Variants in ME1 observed in about 807,000 individuals in gnomAD.
The protein encoded by ME1 is malic enzyme 1, also known as NADP-dependent malic enzyme.
ME1 carries 74 observed loss-of-function variants against 66.4 expected under a neutral mutation model. That is an observed-to-expected ratio of 1.11 (90% CI 0.92 to 1.35). The LOEUF (loss-of-function observed/expected upper bound fraction) is 1.35. Ranked by LOEUF, ME1 falls within the 40% of genes most tolerant of loss-of-function variation. The pLI is 0.00. For missense variants in ME1, 750 were observed against 694.1 expected (o/e 1.08, Z -0.90); for synonymous variants, 251 against 235.6 (o/e 1.07, Z -0.60).
chr6:83,407,087 T>C (rs931009046), intron 2 of ME1, among the ~76,000 whole-genome samples: 1 of 152,090 alleles, frequency 6.6e-6, no homozygotes, highest in Non-Finnish European at 1.5e-5. Flanking sequence ...GTTGGCTACC[T>C]CTTTTAACCC....
chr6:83,383,149 T>C (rs961338841), intron 3 of ME1, among the ~76,000 whole-genome samples: 8 of 151,674 alleles, frequency 5.3e-5, no homozygotes, highest in African/African-American at 1.9e-4. Context: ...CATACATACA[T>C]ACACACACAC....
At chr6:83,395,037 G>A (rs1398789466) in intron 3 of ME1, among the ~76,000 whole-genome samples, 3 of 151,522 alleles carry the variant, frequency 2.0e-5, no homozygotes, top group East Asian at 3.9e-4. Context: ...TGTAATAGTG[G>A]TAATTAACAT....
At position 83,313,395 on chromosome 6, in the gene ME1, T is replaced by TC. The variant is rs1319145702; in HGVS notation, c.704+1914_704+1915insG. On this transcript the variant is annotated intron_variant, in intron 6 of 13. Transcript: ENST00000369705. ...TAAGGTAACTCCTCAATTCCACATT[T>TC]AAAAAAAAAACAGTTTTCTTCATTC... Among the ~76,000 whole-genome samples, 3 of 148,816 alleles carry TC rather than the reference T, an allele frequency of 2.0e-5. No homozygotes were observed. The East Asian group carries it at 5.9e-4, about 29-fold the overall frequency.
At chr6:83,265,955 T>G (rs1335664010) in intron 6 of ME1, among the ~76,000 whole-genome samples, 1 of 152,228 alleles carries the variant, frequency 6.6e-6, no homozygotes, top group East Asian at 1.9e-4. Flanking sequence ...TGGATCATAT[T>G]CTCATTCTGA....
At chr6:83,243,907 C>T (rs910172600) in intron 7 of ME1, among the ~76,000 whole-genome samples, 19 of 123,600 alleles carry the variant, frequency 1.5e-4, no homozygotes, top group South Asian at 4.8e-4. Context: ...ATATATATAT[C>T]AGTTAAAACC....
In ME1 at chr6:83,238,799, A is replaced by ATATATATATATATATATATATATAT. The variant is rs1554263094; in HGVS notation, c.912+739_912+740insATATATATATATATATATATATATA. 1.2e-3 allele frequency among the ~76,000 whole-genome samples: 162 copies of ATATATATATATATATATATATATAT among 139,272 alleles called. 1 individual carries two copies. Among genetic ancestry groups the ATATATATATATATATATATATATAT allele is most frequent in the South Asian group, 1.3e-3 (6 of 4,492 alleles). The allele number at this position is 139,272 out of a possible 152,430, so 91.4% of individuals were successfully genotyped here. A position where few individuals can be genotyped will look rare whatever the true frequency, so the allele number is the denominator to read the frequency against. ...TTTGAAAATTTAAAGTTTCTTGAAA[A>ATATATATATATATATATATATATAT]ATATATATATATATATATATAGCCA... On this transcript the variant is annotated intron_variant, in intron 8 of 13. Coordinates refer to ENST00000369705, the MANE Select transcript of ME1 (RefSeq NM_002395.6).
chr6:83,221,270 G>T (rs578173642), intron 12 of ME1, among the ~76,000 whole-genome samples: 1 of 152,228 alleles, frequency 6.6e-6, no homozygotes, highest in African/African-American at 2.4e-5. Context: ...GTCAAAGTGT[G>T]TAATAAAGAC....
chr6:83,260,231 CT>C (rs1411370072), intron 6 of ME1, among the ~76,000 whole-genome samples: 13 of 150,890 alleles, frequency 8.6e-5, no homozygotes, highest in African/African-American at 3.2e-4. Context: ...GTGTTGTCTG[CT>C]TTTCAAAAAA....
In ME1 at chr6:83,324,297, C is replaced by A. The variant is rs571566971; in HGVS notation, c.601-8884G>T. 2.6e-5 allele frequency among the ~76,000 whole-genome samples: 4 copies of A among 151,120 alleles called. No homozygotes were observed. The South Asian group carries it at 8.3e-4, about 32-fold the overall frequency. On this transcript the variant is annotated intron_variant, in intron 5 of 13. Coordinates refer to ENST00000369705, the MANE Select transcript of ME1 (RefSeq NM_002395.6). ...AAAGAACTAGAGAAGCAAGAGCAAACAAATTCAAAATCAAGCAGAAGATGA... is the reference window on the plus strand; with the variant it reads ...AAAGAACTAGAGAAGCAAGAGCAAAAAAATTCAAAATCAAGCAGAAGATGA...
intron 5 of ME1, among the ~76,000 whole-genome samples, chr6:83,326,546 C>G (rs1049867424): frequency 7.4e-6 from 1 of 135,890 alleles, no homozygotes; most frequent in African/African-American, 2.7e-5. Context: ...CAAGAAAAAA[C>G]CAAAACACTC....
intron 5 of ME1, among the ~76,000 whole-genome samples, chr6:83,344,159 AC>A (rs1287818602): frequency 6.6e-6 from 1 of 151,556 alleles, no homozygotes; most frequent in Non-Finnish European, 1.5e-5. Flanking sequence ...GGTGGTGCAC[AC>A]CTGGAATCCC....
intron 7 of ME1, among the ~76,000 whole-genome samples, chr6:83,247,876 T>C (rs1160493398): frequency 6.6e-6 from 1 of 152,230 alleles, no homozygotes; most frequent in Non-Finnish European, 1.5e-5. Flanking sequence ...CCTAAGGCAG[T>C]AATACTTTAA....
intron 6 of ME1, among the ~76,000 whole-genome samples, chr6:83,303,865 GA>G (rs1767775530): frequency 6.6e-6 from 1 of 151,962 alleles, no homozygotes; most frequent in Non-Finnish European, 1.5e-5. Context: ...AAACAATAAG[GA>G]ATAACAACCT....
chr6:83,216,562 T>C lies in ME1; in HGVS notation c.1484A>G (p.Glu495Gly). 6.2e-7 allele frequency: 1 copy of C among 1,610,832 alleles called. No individual in the cohort carries two copies. The highest frequency in any genetic ancestry group is 8.5e-7 in the Non-Finnish European group (1 of 1,179,344). Residue 495 changes from glutamate (E) to glycine (G), a missense_variant, in exon 13 of 14, where the codon GAA becomes GGA. Transcript: ENST00000369705. ...CAAAGGAGGATAAAGCCGACCCTCTTCCAAGTGTTTATCTGACACTTGCTG... is the reference window on the plus strand; with the variant it reads ...CAAAGGAGGATAAAGCCGACCCTCTCCCAAGTGTTTATCTGACACTTGCTG... ...IAQQVSDKHL[E>G]EGRLYPPLNT... is the part of the protein sequence containing the mutation.
intron 12 of ME1, among the ~76,000 whole-genome samples, chr6:83,221,942 C>T (rs1459866669): frequency 6.6e-6 from 1 of 152,108 alleles, no homozygotes; most frequent in Non-Finnish European, 1.5e-5. Context: ...AGAGAGATCA[C>T]TAGCTATGAT....
intron 9 of ME1, among the ~76,000 whole-genome samples, chr6:83,230,242 T>G (rs1296851391): frequency 6.6e-6 from 1 of 151,974 alleles, no homozygotes; most frequent in African/African-American, 2.4e-5. Context: ...AGTGGCGCGA[T>G]CTCGGCTCAC....
At chr6:83,408,975 C>T (rs1412291200) in intron 1 of ME1, among the ~76,000 whole-genome samples, 1 of 152,092 alleles carries the variant, frequency 6.6e-6, no homozygotes, top group Non-Finnish European at 1.5e-5. Context: ...GGAAGAAGGG[C>T]CTTTGGGAGG....
At chr6:83,350,176 A>G (rs1345205749) in intron 4 of ME1, among the ~76,000 whole-genome samples, 1 of 152,196 alleles carries the variant, frequency 6.6e-6, no homozygotes, top group Non-Finnish European at 1.5e-5. Flanking sequence ...ATTCTTTTAC[A>G]ATCAATAGCT....
chr6:83,289,397 A>G (rs928469765), intron 6 of ME1, among the ~76,000 whole-genome samples: 1 of 152,176 alleles, frequency 6.6e-6, no homozygotes, highest in Non-Finnish European at 1.5e-5. Context: ...TTCTGCATCT[A>G]TTGAGATAAT....
Sources: allele counts gnomAD v4.1 joint callset (sites outside exome capture counted in the v4.1 genomes callset), GRCh38; gene constraint gnomAD v4.1.1; transcripts MANE v1.5; gene names NCBI Gene and HGNC (gene_info 2026-07-23, HGNC 2026-07-21).